B4GALT5: variants seen among roughly 807,000 people sequenced by gnomAD.
The protein encoded by B4GALT5 is UDP-Gal:beta-GlcNAc beta-1,4-galactosyltransferase 5.
Under a neutral mutation model 45.0 loss-of-function variants are expected in B4GALT5, and 11 were observed. The observed-to-expected ratio is 0.24, with a 90% CI of 0.15 to 0.40. The LOEUF (loss-of-function observed/expected upper bound fraction) is 0.40, where lower values mean the gene tolerates loss of function less well. B4GALT5 is among the 10% of genes least tolerant of loss of function. B4GALT5 has a pLI of 1.00. For synonymous variants in B4GALT5, 185 were observed against 182.9 expected (o/e 1.01, Z -0.09); for missense variants, 337 against 500.2 (o/e 0.67, Z 3.11).
intron 1 of B4GALT5, among the ~76,000 whole-genome samples, chr20:49,671,021 C>G (rs1942566696): frequency 6.6e-6 from 1 of 152,128 alleles, no homozygotes; most frequent in South Asian, 2.1e-4. Flanking sequence ...AAAATCAGAC[C>G]ATGACTAACT....
intron 3 of B4GALT5, 43 bp from the exon 4 acceptor site, chr20:49,643,693 A>T: frequency 6.3e-6 from 10 of 1,590,654 alleles, no homozygotes; most frequent in Non-Finnish European, 8.6e-6. Context: ...TCAGAAAATG[A>T]TAGGTTTCCC....
At chr20:49,647,773 C>T (rs1028481147) in intron 2 of B4GALT5, among the ~76,000 whole-genome samples, 8 of 152,088 alleles carry the variant, frequency 5.3e-5, no homozygotes, top group African/African-American at 1.9e-4. Flanking sequence ...TAGGTATTCT[C>T]TCAACTTCAT....
chr20:49,651,243 G>A (rs1007686668), intron 2 of B4GALT5, among the ~76,000 whole-genome samples: 19 of 151,946 alleles, frequency 1.3e-4, no homozygotes, highest in African/African-American at 3.6e-4. Context: ...CCGAGATCCC[G>A]CCACTGCACT....
At chr20:49,653,588 G>C (rs1209233407) in intron 2 of B4GALT5, among the ~76,000 whole-genome samples, 2 of 152,220 alleles carry the variant, frequency 1.3e-5, no homozygotes, top group Non-Finnish European at 2.9e-5. Flanking sequence ...GCTGCATCAA[G>C]TTCCATGACT....
At chr20:49,647,173 T>C in intron 2 of B4GALT5, 95 bp from the exon 3 acceptor site, 1 of 730,434 alleles carries the variant, frequency 1.4e-6, no homozygotes, top group Non-Finnish European at 2.4e-6. Flanking sequence ...CTCTTAGCTA[T>C]CATCTTGGTA....
Position 49,673,868 on chromosome 20 carries a change from T to C in B4GALT5, c.116-17166A>G, listed in dbSNP as rs569598442. On this transcript the variant is annotated intron_variant, in intron 1 of 8. Coordinates refer to ENST00000371711, the MANE Select transcript of B4GALT5 (RefSeq NM_004776.4). ...AAAAAAGCAAAATAGTGGTAACTGT[T>C]GACTCCAGATGGAAGATAATGCTTT... 3.6e-4 allele frequency among the ~76,000 whole-genome samples: 55 copies of C among 152,164 alleles called. 2 individuals carry two copies. The South Asian group carries it at 0.011, about 32-fold the overall frequency.
chr20:49,702,619 C>CG (rs967315343), intron 1 of B4GALT5, among the ~76,000 whole-genome samples: 2 of 151,776 alleles, frequency 1.3e-5, no homozygotes, highest in African/African-American at 2.4e-5. Flanking sequence ...CTCTGGGAGG[C>CG]GGGGGTGGGA....
intron 1 of B4GALT5, among the ~76,000 whole-genome samples, chr20:49,662,079 C>G (rs1260603288): frequency 1.3e-5 from 2 of 152,170 alleles, no homozygotes; most frequent in African/African-American, 4.8e-5. Flanking sequence ...CACAATGGTG[C>G]CTTTCTTCCT....
intron 1 of B4GALT5, among the ~76,000 whole-genome samples, chr20:49,688,151 A>G (rs1048900543): frequency 6.6e-6 from 1 of 152,216 alleles, no homozygotes; most frequent in Non-Finnish European, 1.5e-5. Context: ...CTGAAGAAAG[A>G]AAAATAGAGA....
intron 1 of B4GALT5, among the ~76,000 whole-genome samples, chr20:49,689,893 T>G (rs2146353859): frequency 6.6e-6 from 1 of 152,328 alleles, no homozygotes. Flanking sequence ...TTTTTTTGTT[T>G]GTTTGGAGAC....
chr20:49,655,837 G>A (rs1163535282), intron 2 of B4GALT5, among the ~76,000 whole-genome samples: 1 of 151,000 alleles, frequency 6.6e-6, no homozygotes, highest in African/African-American at 2.4e-5. Context: ...GCTGAGGCAC[G>A]AGTATCACTT....
At chr20:49,654,438 G>A (rs1200032299) in intron 2 of B4GALT5, among the ~76,000 whole-genome samples, 6 of 152,194 alleles carry the variant, frequency 3.9e-5, no homozygotes, top group South Asian at 2.1e-4. Context: ...GACCCAGTGC[G>A]ACCACAATTT....
intron 1 of B4GALT5, among the ~76,000 whole-genome samples, chr20:49,675,065 G>A (rs1484926828): frequency 6.6e-6 from 1 of 152,218 alleles, no homozygotes; most frequent in East Asian, 1.9e-4. Context: ...CATGAGCTCA[G>A]GAAGAAAAGG....
intron 1 of B4GALT5, among the ~76,000 whole-genome samples, chr20:49,666,472 T>C (rs1294615346): frequency 6.6e-6 from 1 of 152,132 alleles, no homozygotes; most frequent in Non-Finnish European, 1.5e-5. Flanking sequence ...CAGAGTCAAA[T>C]AAATTCCAGA....
chr20:49,655,018 C>A (rs2085636405), intron 2 of B4GALT5, among the ~76,000 whole-genome samples: 1 of 152,102 alleles, frequency 6.6e-6, no homozygotes, highest in African/African-American at 2.4e-5. Context: ...TTAATCCTAG[C>A]ACTTTGGGAG....
intron 1 of B4GALT5, among the ~76,000 whole-genome samples, chr20:49,659,350 C>T (rs927321115): frequency 1.3e-5 from 2 of 152,180 alleles, no homozygotes; most frequent in African/African-American, 4.8e-5. Context: ...TCCTTCAAAC[C>T]CCAGTTCACA....
rs928495516 is a variant in B4GALT5, at chr20:49,641,639, A to G, written c.606+829T>C. On this transcript the variant is annotated intron_variant, in intron 5 of 8. Transcript: ENST00000371711. The stretch of plus-strand genomic sequence containing the variant: ...CTCAGCTTTTTTCTCACTCCAGTAT[A>G]AGGCAAGCTCCAGGGTGACCACTTA... Among the ~76,000 whole-genome samples the G allele has an allele frequency of 2.0e-5, 3 of 152,180 alleles. No individual in the cohort carries two copies. In the South Asian group the frequency reaches 6.2e-4, roughly 32 times the overall value.
At chr20:49,675,606 C>G (rs959629349) in intron 1 of B4GALT5, among the ~76,000 whole-genome samples, 1 of 152,052 alleles carries the variant, frequency 6.6e-6, no homozygotes, top group Non-Finnish European at 1.5e-5. Context: ...ACTAGGGGCT[C>G]GGTGCACAAG....
chr20:49,640,321 C>T (rs1461089679), intron 6 of B4GALT5, among the ~76,000 whole-genome samples, 157 bp downstream of exon 6: 2 of 152,188 alleles, frequency 1.3e-5, no homozygotes, highest in East Asian at 3.8e-4. Flanking sequence ...ATTGCTTTCT[C>T]CTGCCAAACA....
Sources: allele counts gnomAD v4.1 joint callset (sites outside exome capture counted in the v4.1 genomes callset), GRCh38; gene constraint gnomAD v4.1.1; transcripts MANE v1.5; gene names NCBI Gene and HGNC (gene_info 2026-07-23, HGNC 2026-07-21).